AUTS2: variants seen among roughly 807,000 people sequenced by gnomAD.
AUTS2 encodes autism susceptibility gene 2 protein.
In AUTS2, 17 loss-of-function variants were observed where a neutral mutation model predicts 112.4. That is an observed-to-expected ratio of 0.15 (90% CI 0.10 to 0.23). The LOEUF is 0.23. AUTS2 is among the 10% of genes least tolerant of loss of function. The probability of loss-of-function intolerance (pLI) is 1.00; values close to 1 mark genes in which losing one functional copy is unlikely to be tolerated. For missense variants in AUTS2, 1,510 were observed against 1,701.6 expected (o/e 0.89, Z 1.98); for synonymous variants, 751 against 702.7 (o/e 1.07, Z -1.09).
intron 2 of AUTS2, among the ~76,000 whole-genome samples, chr7:70,114,604 C>A (rs1401158958): frequency 1.4e-4 from 22 of 151,944 alleles, no homozygotes. Flanking sequence ...ACCAACCTGA[C>A]CAACATGGAG....
chr7:69,645,917 ACT>A (rs1795000297), intron 1 of AUTS2, among the ~76,000 whole-genome samples: 1 of 151,522 alleles, frequency 6.6e-6, no homozygotes, highest in Non-Finnish European at 1.5e-5. Flanking sequence ...AGAGGTCAGG[ACT>A]CTACAGTGAT....
chr7:70,480,916 G>T (rs2116178755), intron 5 of AUTS2, among the ~76,000 whole-genome samples: 1 of 152,342 alleles, frequency 6.6e-6, no homozygotes, highest in African/African-American at 2.4e-5. Context: ...GCAGGGAGTA[G>T]TCTTTGCAGG....
Position 70,187,775 on chromosome 7 carries a change from C to CTT in AUTS2, c.660+53224_660+53225dup, listed in dbSNP as rs71077627. 2.3e-3 allele frequency among the ~76,000 whole-genome samples: 259 copies of CTT among 110,258 alleles called. 3 individuals carry two copies. The highest frequency in any genetic ancestry group is 4.8e-3 in the African/African-American group (138 of 28,726). The allele number at this position is 110,258 out of a possible 152,430, so 72.3% of individuals were successfully genotyped here. ...CTGTCAGACATACTCAACTAGTCTT[C>CTT]TTTTTTTTTTTTTTTTTTTTTGAGA... On this transcript the variant is annotated intron_variant, in intron 4 of 18. Coordinates refer to ENST00000342771, the MANE Select transcript of AUTS2 (RefSeq NM_015570.4).
chr7:69,835,633 G>A (rs1463803066), intron 1 of AUTS2, among the ~76,000 whole-genome samples: 1 of 152,204 alleles, frequency 6.6e-6, no homozygotes, highest in Non-Finnish European at 1.5e-5. Flanking sequence ...TGTGACAAGA[G>A]CAAGATTTCT....
At chr7:70,569,384 G>A (rs974191476) in intron 5 of AUTS2, among the ~76,000 whole-genome samples, 3 of 152,156 alleles carry the variant, frequency 2.0e-5, no homozygotes, top group Non-Finnish European at 2.9e-5. Context: ...CCATAAAGCC[G>A]ATCTTTCCAT....
At chr7:70,037,093 A>G (rs1169105514) in intron 2 of AUTS2, among the ~76,000 whole-genome samples, 1 of 152,222 alleles carries the variant, frequency 6.6e-6, no homozygotes, top group Admixed American at 6.5e-5. Flanking sequence ...CATCTGCCAC[A>G]ACGTGGGTGA....
At chr7:69,628,535 A>G (rs935679122) in intron 1 of AUTS2, among the ~76,000 whole-genome samples, 5 of 152,138 alleles carry the variant, frequency 3.3e-5, no homozygotes, top group African/African-American at 1.2e-4. Context: ...AAACTGGGTA[A>G]TTTTATAAAG....
rs113404563 is a variant in AUTS2 at position 70,620,369 on chromosome 7, G to A, written c.691-78200G>A. Among the ~76,000 whole-genome samples, 519 of 152,302 alleles carry A rather than the reference G, an allele frequency of 3.4e-3. 5 individuals are homozygous for A. Among genetic ancestry groups the A allele is most frequent in the South Asian group, 8.5e-3 (41 of 4,824 alleles). On this transcript the variant is annotated intron_variant, in intron 5 of 18. Transcript: ENST00000342771. ...TTCGTAAAGTGAGAAATTCTCCAGC[G>A]GAGCGTGTAGCCGTACCCTGGTTTA...
chr7:70,585,456 T>C (rs2079337), intron 5 of AUTS2, among the ~76,000 whole-genome samples: 35,414 of 152,156 alleles, frequency 0.23, 4,462 homozygotes, highest in Middle Eastern at 0.34. Context: ...TTCTCATTAA[T>C]GACTTTTCTG....
chr7:69,651,699 C>G (rs535470584), intron 1 of AUTS2, among the ~76,000 whole-genome samples: 1 of 152,292 alleles, frequency 6.6e-6, no homozygotes, highest in South Asian at 2.1e-4. Flanking sequence ...GGACTAGAAT[C>G]CATGGTTTCT....
chr7:70,471,519 A>G (rs1178607427), intron 5 of AUTS2, among the ~76,000 whole-genome samples: 2 of 152,118 alleles, frequency 1.3e-5, no homozygotes, highest in Non-Finnish European at 2.9e-5. Context: ...CAACCTCCCT[A>G]ATTTCAATTA....
chr7:69,733,136 A>G (rs1296247811), intron 1 of AUTS2, among the ~76,000 whole-genome samples: 1 of 152,044 alleles, frequency 6.6e-6, no homozygotes, highest in Admixed American at 6.6e-5. Context: ...GGCTCAGGTG[A>G]GGTGCATAGG....
At chr7:69,981,666 C>T (rs1243993398) in intron 2 of AUTS2, among the ~76,000 whole-genome samples, 1 of 152,128 alleles carries the variant, frequency 6.6e-6, no homozygotes, top group Non-Finnish European at 1.5e-5. Flanking sequence ...CTTTGATTAT[C>T]ACATGTCTTG....
chr7:70,088,690 G>T (rs1031635805), intron 2 of AUTS2, among the ~76,000 whole-genome samples: 1 of 151,664 alleles, frequency 6.6e-6, no homozygotes, highest in Non-Finnish European at 1.5e-5. Flanking sequence ...TCGGCTGACT[G>T]CAACCTCCGC....
intron 2 of AUTS2, among the ~76,000 whole-genome samples, chr7:70,055,287 A>G (rs1801942273): frequency 6.6e-6 from 1 of 152,214 alleles, no homozygotes; most frequent in Admixed American, 6.5e-5. Flanking sequence ...ATACAAAATT[A>G]GCTGGACGTG....
chr7:69,682,750 A>G (rs1796858379), intron 1 of AUTS2, among the ~76,000 whole-genome samples: 1 of 152,210 alleles, frequency 6.6e-6, no homozygotes, highest in Admixed American at 6.5e-5. Context: ...AGACTTATTC[A>G]GAAACAAAAC....
At chr7:70,148,250 G>A (rs1807241801) in intron 4 of AUTS2, among the ~76,000 whole-genome samples, 1 of 152,068 alleles carries the variant, frequency 6.6e-6, no homozygotes, top group South Asian at 2.1e-4. Context: ...GGATTCTGGG[G>A]TGTCAGAATA....
chr7:70,461,140 G>A (rs1796945915), intron 5 of AUTS2, among the ~76,000 whole-genome samples: 1 of 152,096 alleles, frequency 6.6e-6, no homozygotes, highest in Non-Finnish European at 1.5e-5. Flanking sequence ...GGAAGATGAC[G>A]GCAGCAATAA....
At chr7:70,607,887 T>C (rs558679085) in intron 5 of AUTS2, among the ~76,000 whole-genome samples, 12 of 152,242 alleles carry the variant, frequency 7.9e-5, no homozygotes, top group Non-Finnish European at 1.6e-4. Context: ...GTTAATCACT[T>C]CCAGCAAGGA....
Sources: allele counts gnomAD v4.1 joint callset (sites outside exome capture counted in the v4.1 genomes callset), GRCh38; gene constraint gnomAD v4.1.1; transcripts MANE v1.5; gene names NCBI Gene and HGNC (gene_info 2026-07-23, HGNC 2026-07-21).